The following GRM8 variants were observed in gnomAD, a reference collection of about 807,000 sequenced individuals.
The protein encoded by GRM8 is metabotropic glutamate receptor 8.
In GRM8, 47 loss-of-function variants were observed where a neutral mutation model predicts 87.2. The observed-to-expected ratio is 0.54, with a 90% confidence interval of 0.43 to 0.69. The LOEUF (loss-of-function observed/expected upper bound fraction) is 0.69, where lower values mean the gene tolerates loss of function less well. Ranked by LOEUF, GRM8 falls within the 30% of genes least tolerant of loss-of-function variation. GRM8 has a pLI of 0.00. For missense variants in GRM8, 1,019 were observed against 1,139.2 expected (o/e 0.89, Z 1.52); for synonymous variants, 396 against 404.5 (o/e 0.98, Z 0.25).
chr7:127,156,780 C>T (rs1159259914), intron 2 of GRM8, among the ~76,000 whole-genome samples: 1 of 151,784 alleles, frequency 6.6e-6, no homozygotes, highest in African/African-American at 2.4e-5. Flanking sequence ...TAAATGTCAT[C>T]AAAGAGGGAA....
At chr7:126,583,216 T>A (rs1795774889) in intron 8 of GRM8, among the ~76,000 whole-genome samples, 1 of 151,316 alleles carries the variant, frequency 6.6e-6, no homozygotes, top group Admixed American at 6.6e-5. Flanking sequence ...ATTAGCTGAG[T>A]GTGGTCATGC....
chr7:126,544,061 C>T (rs138697594), intron 8 of GRM8, among the ~76,000 whole-genome samples: 2 of 152,168 alleles, frequency 1.3e-5, no homozygotes, highest in African/African-American at 4.8e-5. Flanking sequence ...AGATATGTTC[C>T]TCCTCTGTAT....
At chr7:126,883,431 T>C (rs1337452646) in intron 6 of GRM8, among the ~76,000 whole-genome samples, 1 of 152,154 alleles carries the variant, frequency 6.6e-6, no homozygotes, top group Non-Finnish European at 1.5e-5. Flanking sequence ...TAAGAAGACA[T>C]ATGGAATTTC....
At chr7:126,496,842 CT>C (rs1808818206) in intron 9 of GRM8, among the ~76,000 whole-genome samples, 2 of 150,992 alleles carry the variant, frequency 1.3e-5, no homozygotes, top group African/African-American at 4.9e-5. Context: ...ACAAAAAAGC[CT>C]TTTTAGACAT....
intron 2 of GRM8, among the ~76,000 whole-genome samples, chr7:127,138,212 A>G (rs1212344151): frequency 6.6e-6 from 1 of 152,178 alleles, no homozygotes; most frequent in East Asian, 1.9e-4. Flanking sequence ...CCAAACAAGA[A>G]AATCATGTAA....
chr7:127,158,423 A>G (rs542143896), intron 2 of GRM8, among the ~76,000 whole-genome samples: 4 of 152,366 alleles, frequency 2.6e-5, no homozygotes, highest in African/African-American at 9.6e-5. Context: ...GGGTGAAGAC[A>G]TGACATTCCA....
intron 3 of GRM8, among the ~76,000 whole-genome samples, chr7:127,082,847 G>C (rs1475349653): frequency 6.6e-6 from 1 of 152,290 alleles, no homozygotes; most frequent in East Asian, 1.9e-4. Flanking sequence ...GTGGCAGGTG[G>C]GGCTTGGAGA....
chr7:126,842,011 C>T lies in GRM8; in HGVS notation c.1156+60531G>A, dbSNP rs149028353. ...AATAAAACAGAAGCTCACACACCTA[C>T]ATTGGCAGAAAAAGTTAGATATGAT... On this transcript the variant is annotated intron_variant, in intron 6 of 10. Coordinates refer to ENST00000339582, the MANE Select transcript of GRM8 (RefSeq NM_000845.3). Among the ~76,000 whole-genome samples the T allele has an allele frequency of 3.2e-3, 485 of 152,276 alleles. 2 individuals carry two copies. The highest frequency in any genetic ancestry group is 0.01 in the African/African-American group (419 of 41,556).
At position 126,953,813 on chromosome 7, in the gene GRM8, C is replaced by T. The variant is rs17867199; in HGVS notation, c.728-49130G>A. ...AAGAAAATGACCCAATATTGAACTC[C>T]AGTGGATTATACAACATTTTAATTT... On this transcript the variant is annotated intron_variant, in intron 3 of 10. Transcript: ENST00000339582. Among the ~76,000 whole-genome samples, 1,436 of 152,198 alleles carry T rather than the reference C, an allele frequency of 9.4e-3. 27 individuals are homozygous for T. Among genetic ancestry groups the T allele is most frequent in the African/African-American group, 0.033 (1,365 of 41,534 alleles).
chr7:126,464,291 A>G (rs10954114), intron 9 of GRM8, among the ~76,000 whole-genome samples: 42,845 of 151,464 alleles, frequency 0.28, 6,766 homozygotes, highest in East Asian at 0.43. Context: ...TTTGGTTCCA[A>G]TTTGCATGGA....
intron 2 of GRM8, among the ~76,000 whole-genome samples, chr7:127,129,372 C>T (rs1827549385): frequency 6.6e-6 from 1 of 152,136 alleles, no homozygotes; most frequent in South Asian, 2.1e-4. Context: ...AAGTACTCAG[C>T]ATCTTTGAGA....
intron 8 of GRM8, among the ~76,000 whole-genome samples, chr7:126,581,980 T>A (rs1408931461): frequency 6.6e-6 from 1 of 152,116 alleles, no homozygotes; most frequent in African/African-American, 2.4e-5. Context: ...ACAGTAATAT[T>A]GAAATTAGGC....
intron 2 of GRM8, among the ~76,000 whole-genome samples, chr7:127,225,833 C>T (rs1448434765): frequency 1.3e-5 from 2 of 151,772 alleles, no homozygotes; most frequent in African/African-American, 2.4e-5. Flanking sequence ...AGAAGATAGC[C>T]CCACAGTCTT....
intron 3 of GRM8, among the ~76,000 whole-genome samples, chr7:126,906,631 A>T (rs762591837): frequency 1.3e-5 from 2 of 152,250 alleles, no homozygotes; most frequent in Non-Finnish European, 2.9e-5. Flanking sequence ...TTCAAAGAAG[A>T]AACGTCTGGT....
chr7:127,020,332 T>C (rs1816134778), intron 3 of GRM8, among the ~76,000 whole-genome samples: 2 of 152,034 alleles, frequency 1.3e-5, no homozygotes, highest in African/African-American at 2.4e-5. Context: ...GGGGTAGTGC[T>C]CCCTGATGAA....
intron 7 of GRM8, among the ~76,000 whole-genome samples, chr7:126,616,732 A>G (rs1799535349): frequency 6.6e-6 from 1 of 152,220 alleles, no homozygotes; most frequent in African/African-American, 2.4e-5. Context: ...CTACCATCAG[A>G]GAATACTATA....
At chr7:127,087,396 G>A (rs1356051566) in intron 3 of GRM8, among the ~76,000 whole-genome samples, 1 of 152,200 alleles carries the variant, frequency 6.6e-6, no homozygotes, top group Non-Finnish European at 1.5e-5. Flanking sequence ...GAGAATCCTA[G>A]ACTTCACAGG....
chr7:126,692,866 T>G (rs1037709712), intron 7 of GRM8, among the ~76,000 whole-genome samples: 1 of 152,190 alleles, frequency 6.6e-6, no homozygotes, highest in African/African-American at 2.4e-5. Context: ...CTTCCAAATA[T>G]CAATCTTGTA....
intron 2 of GRM8, among the ~76,000 whole-genome samples, chr7:127,175,790 A>G (rs1057457065): frequency 1.3e-5 from 2 of 152,212 alleles, no homozygotes; most frequent in Non-Finnish European, 2.9e-5. Context: ...GCAAAAAATA[A>G]TAATAACTAC....
Sources: allele counts gnomAD v4.1 joint callset (sites outside exome capture counted in the v4.1 genomes callset), GRCh38; gene constraint gnomAD v4.1.1; transcripts MANE v1.5; gene names NCBI Gene and HGNC (gene_info 2026-07-23, HGNC 2026-07-21).